EXOC4: variants seen among roughly 807,000 people sequenced by gnomAD.
The protein encoded by EXOC4 is SEC8-like 1.
A neutral mutation model predicts 107.2 loss-of-function variants in EXOC4; 71 were observed. The ratio of observed to expected loss-of-function variants is 0.66; its 90% CI spans 0.55 to 0.81. The LOEUF (loss-of-function observed/expected upper bound fraction) is 0.81, where lower values mean the gene tolerates loss of function less well. EXOC4 is among the 30% of genes least tolerant of loss of function. The pLI is 0.00. For synonymous variants in EXOC4, 456 were observed against 441.2 expected (o/e 1.03, Z -0.42); for missense variants, 1,108 against 1,189.6 (o/e 0.93, Z 1.01).
chr7:133,801,340 C>T (rs1392110765), intron 10 of EXOC4, among the ~76,000 whole-genome samples: 1 of 152,162 alleles, frequency 6.6e-6, no homozygotes, highest in Non-Finnish European at 1.5e-5. Flanking sequence ...ATAAGACTTT[C>T]TGGCTTGCTG....
intron 17 of EXOC4, among the ~76,000 whole-genome samples, chr7:134,043,745 C>T (rs972470470): frequency 6.6e-6 from 1 of 151,978 alleles, no homozygotes; most frequent in Non-Finnish European, 1.5e-5. Context: ...TTGGAGGTGG[C>T]AAGTTTGTTC....
intron 17 of EXOC4, among the ~76,000 whole-genome samples, chr7:134,063,123 T>A (rs1319542626): frequency 6.6e-6 from 1 of 152,202 alleles, no homozygotes; most frequent in Non-Finnish European, 1.5e-5. Flanking sequence ...GTTCAGAGGC[T>A]CTACCCTGTG....
At chr7:133,739,783 A>G (rs1196340578) in intron 10 of EXOC4, among the ~76,000 whole-genome samples, 1 of 152,204 alleles carries the variant, frequency 6.6e-6, no homozygotes, top group Admixed American at 6.5e-5. Context: ...TTAGAAAGCC[A>G]CCAAAGCAAA....
In EXOC4 at chr7:133,997,685, TA is replaced by T. The variant is rs1794429637; in HGVS notation, c.2348+55del. The T allele has an allele frequency of 3.8e-6, 6 of 1,575,592 alleles. No individual in the cohort carries two copies. In the East Asian group the frequency reaches 1.4e-4, roughly 36 times the overall value. ...TGCAATTTGAATGCACTGCGGTTCA[TA>T]AATCACTTGCTTATTTCCAGGCAGT... On this transcript the variant is annotated intron_variant, in intron 15 of 17. Coordinates refer to ENST00000253861, the MANE Select transcript of EXOC4 (RefSeq NM_021807.4).
At chr7:134,073,776 G>A in the EXOC4 span, among the ~76,000 whole-genome samples, 5 of 152,080 alleles carry the variant, frequency 3.3e-5, no homozygotes, top group Non-Finnish European at 7.4e-5. Flanking sequence ...GGGGATGGGG[G>A]TTTTGGTGAG....
At chr7:133,588,941 T>C (rs1801474874) in intron 9 of EXOC4, among the ~76,000 whole-genome samples, 1 of 150,130 alleles carries the variant, frequency 6.7e-6, no homozygotes, top group South Asian at 2.1e-4. Flanking sequence ...TGTGTGTGTA[T>C]GTATATGTGT....
intron 14 of EXOC4, among the ~76,000 whole-genome samples, chr7:133,990,894 G>A (rs962964474): frequency 6.6e-6 from 1 of 152,178 alleles, no homozygotes; most frequent in African/African-American, 2.4e-5. Flanking sequence ...AAACATGGGA[G>A]TGCAGATGTC....
chr7:134,023,984 G>A (rs988653293), intron 17 of EXOC4, among the ~76,000 whole-genome samples: 1 of 152,188 alleles, frequency 6.6e-6, no homozygotes, highest in Non-Finnish European at 1.5e-5. Flanking sequence ...AGACCTCAGA[G>A]AGACCTGGCA....
intron 10 of EXOC4, among the ~76,000 whole-genome samples, chr7:133,797,083 T>A (rs1191605504): frequency 6.6e-6 from 1 of 152,210 alleles, no homozygotes; most frequent in Admixed American, 6.5e-5. Flanking sequence ...CCACACAGAA[T>A]GCATGGGCTT....
In EXOC4 at chr7:133,475,334, T is replaced by A. The variant is rs752184265; in HGVS notation, c.1189T>A (p.Leu397Ile). The change falls in exon 8 of 18, where the codon TTA becomes ATA. Residue 397 changes from leucine (L) to isoleucine (I), a missense_variant. By Grantham distance (5) the Leu-to-Ile change is conservative. Transcript: ENST00000253861. ...GATTTATCTGGTTGTACAGATGCTATTAACTGAGTACTTGGATATGAAAAA... is the reference window on the plus strand; with the variant it reads ...GATTTATCTGGTTGTACAGATGCTAATAACTGAGTACTTGGATATGAAAAA... ...VKIQDVLQML[L>I]TEYLDMKNTR... The A allele has an allele frequency of 6.2e-7, 1 of 1,612,220 alleles. No individual in the cohort carries two copies. The highest frequency in any genetic ancestry group is 8.5e-7 in the Non-Finnish European group (1 of 1,178,574).
rs531246000 is a variant in EXOC4 at position 133,884,688 on chromosome 7, A to T, written c.1735-10911A>T. ...TAGACATATTTCTCTGACCATATAGAACCTTAGATTCTTAGCAGCATCTCT... is the reference window on the plus strand; with the variant it reads ...TAGACATATTTCTCTGACCATATAGTACCTTAGATTCTTAGCAGCATCTCT... On this transcript the variant is annotated intron_variant, in intron 11 of 17. Coordinates refer to ENST00000253861, the MANE Select transcript of EXOC4 (RefSeq NM_021807.4). 2.0e-5 allele frequency among the ~76,000 whole-genome samples: 3 copies of T among 151,918 alleles called. No individual in the cohort carries two copies. In the East Asian group the frequency reaches 5.8e-4, roughly 29 times the overall value.
At chr7:133,766,038 CA>C (rs1281648745) in intron 10 of EXOC4, among the ~76,000 whole-genome samples, 2 of 151,910 alleles carry the variant, frequency 1.3e-5, no homozygotes, top group Non-Finnish European at 2.9e-5. Context: ...GAATCAAAAT[CA>C]ACTGAACTTT....
At chr7:133,444,292 G>A (rs1050160037) in intron 7 of EXOC4, among the ~76,000 whole-genome samples, 9 of 152,186 alleles carry the variant, frequency 5.9e-5, no homozygotes, top group African/African-American at 1.7e-4. Context: ...GGGGCTTGGC[G>A]TTTTCTCCAG....
At chr7:134,034,410 C>A (rs1795340785) in intron 17 of EXOC4, among the ~76,000 whole-genome samples, 1 of 152,170 alleles carries the variant, frequency 6.6e-6, no homozygotes. Context: ...CTTTGTGTCC[C>A]CACCCAAATC....
intron 17 of EXOC4, among the ~76,000 whole-genome samples, chr7:134,043,188 A>G (rs1262563423): frequency 6.6e-6 from 1 of 152,096 alleles, no homozygotes; most frequent in Non-Finnish European, 1.5e-5. Context: ...ATTGTGTGGC[A>G]TGATCGTAAT....
chr7:133,320,345 GC>G (rs1795083941), intron 5 of EXOC4, among the ~76,000 whole-genome samples: 1 of 152,146 alleles, frequency 6.6e-6, no homozygotes, highest in Non-Finnish European at 1.5e-5. Flanking sequence ...CTGTTTTCTT[GC>G]CTTTCTGGCT....
At chr7:133,412,081 C>T (rs1431843020) in intron 7 of EXOC4, among the ~76,000 whole-genome samples, 1 of 151,896 alleles carries the variant, frequency 6.6e-6, no homozygotes, top group African/African-American at 2.4e-5. Context: ...GTCAGACCTT[C>T]GAGTGGATCA....
In EXOC4 at chr7:133,822,567, G is replaced by A. The variant is rs144824704; in HGVS notation, c.1734+5023G>A. 8.4e-3 allele frequency among the ~76,000 whole-genome samples: 1,286 copies of A among 152,262 alleles called. 16 individuals are homozygous for A. The highest frequency in any genetic ancestry group is 0.03 in the African/African-American group (1,231 of 41,538). On this transcript the variant is annotated intron_variant, in intron 11 of 17. Coordinates refer to ENST00000253861, the MANE Select transcript of EXOC4 (RefSeq NM_021807.4). ...GGCCAAGAGCATCAACCTCTGATGA[G>A]TCTGCATTTGTATAGAATCTCCAGA...
intron 10 of EXOC4, among the ~76,000 whole-genome samples, chr7:133,813,737 A>G (rs1797294011): frequency 1.3e-5 from 2 of 152,142 alleles, no homozygotes; most frequent in African/African-American, 4.8e-5. Flanking sequence ...CATTGATAAC[A>G]TCAGTTAAGA....
Sources: allele counts gnomAD v4.1 joint callset (sites outside exome capture counted in the v4.1 genomes callset), GRCh38; gene constraint gnomAD v4.1.1; transcripts MANE v1.5; gene names NCBI Gene and HGNC (gene_info 2026-07-23, HGNC 2026-07-21).